Variants in ZNF366 observed in about 807,000 individuals in gnomAD.
ZNF366 encodes the protein zinc finger protein 366, also known as dendritic cell-specific transcript protein.
In ZNF366, 20 loss-of-function variants were observed where a neutral mutation model predicts 47.2. The observed-to-expected ratio is 0.42, with a 90% CI of 0.30 to 0.62. The LOEUF (loss-of-function observed/expected upper bound fraction) is 0.62. ZNF366 is among the 20% of genes least tolerant of loss of function. ZNF366 has a pLI of 0.16. For synonymous variants in ZNF366, 421 were observed against 395.1 expected, an observed-to-expected ratio of 1.07 and a Z score of -0.78; for missense variants, 987 against 976.3, an observed-to-expected ratio of 1.01 and a Z score of -0.15.
rs2112309816 is a variant in ZNF366 at position 72,441,172 on chromosome 5, T to C, written c.*2584A>G. ...TTAACTGGTCCCTCAAACATTCCCATGAGGTTTGTTTTGGTTGGAAAGGAC... is the reference window on the plus strand; with the variant it reads ...TTAACTGGTCCCTCAAACATTCCCACGAGGTTTGTTTTGGTTGGAAAGGAC... On this transcript the variant is annotated 3_prime_UTR_variant, in exon 5 of 5. Transcript: ENST00000318442. 6.6e-6 allele frequency: 1 copy of C among 152,274 alleles called. No homozygotes were observed. Among genetic ancestry groups the C allele is most frequent in the East Asian group, 1.9e-4 (1 of 5,178 alleles). 9.4% of individuals were successfully genotyped at this position (152,274 alleles called of 1,614,324 possible). A position where few individuals can be genotyped will look rare whatever the true frequency, so the allele number is the denominator to read the frequency against.
chr5:72,471,592 A>G (rs72761189), intron 1 of ZNF366, among the ~76,000 whole-genome samples: 3,954 of 152,224 alleles, frequency 0.026, 99 homozygotes, highest in African/African-American at 0.059. Flanking sequence ...ATCATAGTCT[A>G]TGGGTGGGTG....
At position 72,461,107 on chromosome 5, in the gene ZNF366, G is replaced by C. The variant is rs373592374; in HGVS notation, c.390C>G (p.Asp130Glu). The change falls in exon 2 of 5, where the codon GAC becomes GAG. Residue 130 changes from aspartate (D) to glutamate (E), a missense_variant. Physicochemically the swap from Asp to Glu is conservative, Grantham distance 45 (BLOSUM62 2). This residue lies in a region of ZNF366 where 591 missense variants were observed against 560.9 expected (regional missense o/e 1.05). Transcript: ENST00000318442. The part of the protein sequence containing the change: ...PRPKYDSQMI[D>E]LCNVGFQFYR... The stretch of plus-strand genomic sequence containing the variant: ...AGAATTGGAAGCCCACGTTGCACAG[G>C]TCGATCATCTGAGAGTCATACTTGG... 3 of 1,614,046 alleles carry C rather than the reference G, an allele frequency of 1.9e-6. No homozygotes were observed. In the African/African-American group the frequency reaches 4.0e-5, roughly 22 times the overall value.
At chr5:72,491,986 T>C (rs1416106008) in intron 1 of ZNF366, among the ~76,000 whole-genome samples, 1 of 152,068 alleles carries the variant, frequency 6.6e-6, no homozygotes, top group African/African-American at 2.4e-5. Flanking sequence ...GTCAAACATA[T>C]GGACAGGAAA....
intron 1 of ZNF366, among the ~76,000 whole-genome samples, chr5:72,489,140 C>T (rs1743954366): frequency 6.6e-6 from 1 of 151,994 alleles, no homozygotes; most frequent in Non-Finnish European, 1.5e-5. Flanking sequence ...CTTTGGGAGG[C>T]CAAGGTGGGT....
intron 1 of ZNF366, among the ~76,000 whole-genome samples, chr5:72,506,963 G>A (rs1744331509): frequency 6.6e-6 from 1 of 152,144 alleles, no homozygotes; most frequent in African/African-American, 2.4e-5. Flanking sequence ...ACACGCCAGT[G>A]GCTCCTGGTT....
At chr5:72,451,618 T>C (rs1255495222) in intron 3 of ZNF366, among the ~76,000 whole-genome samples, 11 of 152,236 alleles carry the variant, frequency 7.2e-5, no homozygotes, top group Admixed American at 7.2e-4. Flanking sequence ...GTAGATTCTT[T>C]TACATTCCAG....
In ZNF366 at chr5:72,456,495, T is replaced by A; in HGVS notation, c.1433A>T (p.Gln478Leu). Residue 478 changes from glutamine (Q) to leucine (L), a missense_variant, in exon 3 of 5, where the codon CAG (glutamine) becomes CTG (leucine). Gln to Leu is a moderately radical substitution (Grantham distance 113). This residue lies in a region of ZNF366 where 111 missense variants were observed against 180.5 expected (regional missense o/e 0.61). Transcript: ENST00000318442. ...GAAGCTCTTGTAGCAGAGGTGACAC[T>A]GGTAGGCGCGGATGTTGGTGTGGAT... ...VLIHTNIRAY[Q>L]CHLCYKSFVQ... is the part of the protein sequence containing the mutation. 6.2e-7 allele frequency: 1 copy of A among 1,614,052 alleles called. No homozygotes were observed. The highest frequency in any genetic ancestry group is 8.5e-7 in the Non-Finnish European group (1 of 1,179,920).
intron 1 of ZNF366, among the ~76,000 whole-genome samples, chr5:72,500,121 C>T (rs1254540479): frequency 2.0e-5 from 3 of 152,166 alleles, no homozygotes; most frequent in Admixed American, 2.0e-4. Context: ...GCTGGAGAAG[C>T]GGGTCCTCCC....
intron 1 of ZNF366, among the ~76,000 whole-genome samples, chr5:72,479,693 A>G (rs1245364498): frequency 6.6e-6 from 1 of 152,200 alleles, no homozygotes; most frequent in Non-Finnish European, 1.5e-5. Context: ...CCAGATTCCT[A>G]GTTATCATAG....
rs754631612 is a variant in ZNF366 at position 72,485,553 on chromosome 5, C to T, written c.-15+21698G>A. On this transcript the variant is annotated intron_variant, in intron 1 of 4. Coordinates refer to ENST00000318442, the MANE Select transcript of ZNF366 (RefSeq NM_152625.3). Reference sequence around the variant, plus strand: ...TCCACTGCCTCTATCCTGGTCAGGCCGCCAGAGGTTCCTTCCAGGATCATT... The same window carrying T: ...TCCACTGCCTCTATCCTGGTCAGGCTGCCAGAGGTTCCTTCCAGGATCATT... Among the ~76,000 whole-genome samples the T allele has an allele frequency of 6.6e-5, 10 of 152,282 alleles. No individual in the cohort carries two copies. The East Asian group carries it at 9.6e-4, about 15-fold the overall frequency.
At position 72,460,564 on chromosome 5, in the gene ZNF366, G is replaced by A; in HGVS notation, c.933C>T (p.Cys311=). The A allele has an allele frequency of 6.2e-7, 1 of 1,614,118 alleles. No homozygotes were observed. Among genetic ancestry groups the A allele is most frequent in the South Asian group, 1.1e-5 (1 of 91,086 alleles). Reference sequence around the variant, plus strand: ...GGGTGAAGGCCTTGTGGCACACCTGGCACTTGTGGGGCCGCGTGCCCTGGT... The same window carrying A: ...GGGTGAAGGCCTTGTGGCACACCTGACACTTGTGGGGCCGCGTGCCCTGGT... ...LTHQGTRPHK[C]QVCHKAFTQT... is the part of the protein sequence containing the mutation. Residue 311 remains cysteine (C), a synonymous_variant, in exon 2 of 5, where the codon TGC becomes TGT. Coordinates refer to ENST00000318442, the MANE Select transcript of ZNF366 (RefSeq NM_152625.3).
At chr5:72,503,018 G>A (rs565033885) in intron 1 of ZNF366, among the ~76,000 whole-genome samples, 8 of 152,050 alleles carry the variant, frequency 5.3e-5, no homozygotes, top group Non-Finnish European at 1.0e-4. Flanking sequence ...GCAGCTACTC[G>A]GGAGGCTGAG....
chr5:72,462,320 G>A (rs372660497), intron 1 of ZNF366, among the ~76,000 whole-genome samples: 76 of 152,206 alleles, frequency 5.0e-4, no homozygotes, highest in African/African-American at 7.5e-4. Flanking sequence ...AAATAAAGCC[G>A]CACATGGGTC....
chr5:72,488,578 T>C (rs943366683), intron 1 of ZNF366, among the ~76,000 whole-genome samples: 1 of 152,260 alleles, frequency 6.6e-6, no homozygotes, highest in African/African-American at 2.4e-5. Context: ...CTTCTTTTCA[T>C]ATGATTTCAC....
chr5:72,454,431 C>T (rs999563215), intron 3 of ZNF366, among the ~76,000 whole-genome samples: 7 of 152,120 alleles, frequency 4.6e-5, no homozygotes, highest in Admixed American at 1.3e-4. Context: ...AGCAGAAATG[C>T]CTTTGTACCC....
At chr5:72,461,633 C>T (rs1580238510) in intron 1 of ZNF366, 123 bp from the exon 2 acceptor site, 1 of 1,268,394 alleles carries the variant, frequency 7.9e-7, no homozygotes, top group Non-Finnish European at 1.1e-6. Context: ...TAATATGGAC[C>T]CTCATTTATC....
intron 3 of ZNF366, among the ~76,000 whole-genome samples, chr5:72,454,441 C>T (rs72761180): frequency 0.015 from 2,221 of 152,246 alleles, 40 homozygotes; most frequent in East Asian, 0.08. Flanking sequence ...CCTTTGTACC[C>T]TCAAACCACA....
chr5:72,463,382 A>G (rs946158718), intron 1 of ZNF366, among the ~76,000 whole-genome samples: 1 of 152,242 alleles, frequency 6.6e-6, no homozygotes, highest in Non-Finnish European at 1.5e-5. Flanking sequence ...TTAAAGCTGG[A>G]CAGATAACTA....
intron 1 of ZNF366, among the ~76,000 whole-genome samples, chr5:72,471,643 T>C (rs1279447965): frequency 6.6e-6 from 1 of 152,220 alleles, no homozygotes; most frequent in Non-Finnish European, 1.5e-5. Flanking sequence ...AGGAAACTTT[T>C]AATGGTATAC....
Sources: allele counts gnomAD v4.1 joint callset (sites outside exome capture counted in the v4.1 genomes callset), GRCh38; gene constraint gnomAD v4.1.1; regional missense constraint gnomAD v4.1.1; transcripts MANE v1.5; gene names NCBI Gene and HGNC (gene_info 2026-07-23, HGNC 2026-07-21).